The following OGDH variants were observed in gnomAD, a reference collection of about 807,000 sequenced individuals.
OGDH encodes 2-oxoglutarate dehydrogenase complex component E1.
A neutral mutation model predicts 116.6 loss-of-function variants in OGDH; 38 were observed. The observed-to-expected ratio is 0.33, with a 90% confidence interval of 0.25 to 0.43. OGDH has a LOEUF of 0.43. Among genes scored for constraint, OGDH ranks in the 20% least tolerant of loss-of-function variants. The pLI is 1.00. For synonymous variants in OGDH, 488 were observed against 533.3 expected, an observed-to-expected ratio of 0.92 and a Z score of 1.17; for missense variants, 825 against 1,357.2, an observed-to-expected ratio of 0.61 and a Z score of 6.16.
At chr7:44,620,029 G>C (rs1784948741) in intron 1 of OGDH, among the ~76,000 whole-genome samples, 1 of 151,798 alleles carries the variant, frequency 6.6e-6, no homozygotes. Flanking sequence ...TTTTTGTTTT[G>C]TTTTGTTTTG....
At chr7:44,687,694 G>A (rs564443022) in intron 10 of OGDH, among the ~76,000 whole-genome samples, 1 of 152,158 alleles carries the variant, frequency 6.6e-6, no homozygotes, top group South Asian at 2.1e-4. Flanking sequence ...AAGTGCTTGG[G>A]ATTACAGGCG....
intron 4 of OGDH, 23 bp from the exon 5 acceptor site, chr7:44,666,713 G>A: frequency 6.7e-7 from 1 of 1,502,254 alleles, no homozygotes; most frequent in Non-Finnish European, 9.2e-7. Flanking sequence ...CATCTGGCTT[G>A]TCCTGCCCAC....
intron 9 of OGDH, among the ~76,000 whole-genome samples, chr7:44,679,948 T>C (rs1787858671): frequency 6.6e-6 from 1 of 152,168 alleles, no homozygotes; most frequent in African/African-American, 2.4e-5. Context: ...CGATGACTCA[T>C]GCCTGTAATC....
intron 3 of OGDH, among the ~76,000 whole-genome samples, chr7:44,646,765 G>GT (rs1786202827): frequency 6.6e-6 from 1 of 152,084 alleles, no homozygotes; most frequent in Non-Finnish European, 1.5e-5. Flanking sequence ...GTGTAGCAGG[G>GT]TTTTTTTGTT....
rs56718274 is a variant in OGDH at position 44,680,539 on chromosome 7, TACACACACAC to T, written c.1207-1155_1207-1146del. ...AATACAAACTCATAGTTTTATTGCA[TACACACACAC>T]ACACACACACACACACACACACACA... On this transcript the variant is annotated intron_variant, in intron 9 of 22. Transcript: ENST00000222673. Among the ~76,000 whole-genome samples the T allele has an allele frequency of 4.8e-3, 701 of 145,946 alleles. 2 individuals carry two copies. The highest frequency in any genetic ancestry group is 9.5e-3 in the African/African-American group (384 of 40,358).
At chr7:44,664,897 G>A (rs1283508966) in intron 4 of OGDH, among the ~76,000 whole-genome samples, 1 of 152,168 alleles carries the variant, frequency 6.6e-6, no homozygotes, top group Non-Finnish European at 1.5e-5. Flanking sequence ...CACATGGTGA[G>A]GTCAAGGGAT....
intron 2 of OGDH, among the ~76,000 whole-genome samples, chr7:44,643,826 A>T (rs886859749): frequency 6.6e-6 from 1 of 152,256 alleles, no homozygotes; most frequent in African/African-American, 2.4e-5. Context: ...TTTTCAAGAC[A>T]GTCTTATCAG....
intron 1 of OGDH, among the ~76,000 whole-genome samples, chr7:44,607,890 C>T (rs1356300214): frequency 6.6e-6 from 1 of 152,096 alleles, no homozygotes; most frequent in Non-Finnish European, 1.5e-5. Flanking sequence ...TTAGTAGAGA[C>T]GGGTTTTCAC....
intron 7 of OGDH, 103 bp from the exon 8 acceptor site, chr7:44,675,075 C>T (rs531970298): frequency 3.5e-6 from 3 of 864,124 alleles, no homozygotes; most frequent in Admixed American, 3.9e-5. Flanking sequence ...GAGGAGGTGC[C>T]GTGTCCTGGG....
chr7:44,628,283 C>CT, intron 2 of OGDH, among the ~76,000 whole-genome samples: 1 of 152,248 alleles, frequency 6.6e-6, no homozygotes, highest in East Asian at 1.9e-4. Context: ...GGCTAATTCT[C>CT]TAATAGAATT....
intron 10 of OGDH, among the ~76,000 whole-genome samples, chr7:44,691,594 C>T (rs1210336214): frequency 6.8e-6 from 1 of 146,884 alleles, no homozygotes; most frequent in Non-Finnish European, 1.5e-5. Context: ...AGTTAGGAAA[C>T]AAACCTATGT....
rs201585406 is a variant in OGDH, at chr7:44,694,028, G to T, written c.1515+24G>T. On this transcript the variant is annotated intron_variant, in intron 11 of 22. Coordinates refer to ENST00000222673, the MANE Select transcript of OGDH (RefSeq NM_002541.4). The surrounding 1 kb of genome is among the most constrained non-coding windows in gnomAD (Gnocchi z 4.2). The stretch of plus-strand genomic sequence containing the variant: ...TGGTGAGTGACTCTGGGGACAGCAC[G>T]TCCTGGGCAGAGCATCTGACCCACC... 2 of 1,594,654 alleles carry T rather than the reference G, an allele frequency of 1.3e-6. No individual in the cohort carries two copies. The highest frequency in any genetic ancestry group is 2.2e-5 in the East Asian group (1 of 44,468).
intron 2 of OGDH, among the ~76,000 whole-genome samples, chr7:44,635,075 C>T (rs1425867352): frequency 6.6e-6 from 1 of 152,172 alleles, no homozygotes; most frequent in African/African-American, 2.4e-5. Context: ...TCATGCAGGC[C>T]TGCCCTGTCT....
intron 4 of OGDH, among the ~76,000 whole-genome samples, chr7:44,650,245 G>T (rs1786377393): frequency 6.6e-6 from 1 of 152,064 alleles, no homozygotes; most frequent in Admixed American, 6.6e-5. Flanking sequence ...ATGTATGCAG[G>T]TCTTCAAGAA....
intron 10 of OGDH, among the ~76,000 whole-genome samples, chr7:44,693,006 TAAA>T (rs77813445): frequency 7.2e-6 from 1 of 139,276 alleles, no homozygotes; most frequent in African/African-American, 2.6e-5. Flanking sequence ...ACTCTCTCTT[TAAA>T]AAAAAAAAAA....
intron 2 of OGDH, 40 bp from the exon 3 acceptor site, chr7:44,645,287 G>C (rs372654114): frequency 4.4e-6 from 7 of 1,580,026 alleles, no homozygotes; most frequent in African/African-American, 4.0e-5. Context: ...CCTGGACTTA[G>C]GGGAGCAGTG....
At chr7:44,654,655 A>C (rs1270740263) in intron 4 of OGDH, among the ~76,000 whole-genome samples, 1 of 152,212 alleles carries the variant, frequency 6.6e-6, no homozygotes, top group Non-Finnish European at 1.5e-5. Context: ...CAAGCTAAGA[A>C]CATAACCAGG....
chr7:44,651,785 G>A (rs998097801), intron 4 of OGDH, among the ~76,000 whole-genome samples: 6 of 151,862 alleles, frequency 4.0e-5, no homozygotes, highest in East Asian at 1.9e-4. Context: ...GATCTCGTAC[G>A]CCTGACCTCA....
At chr7:44,656,954 G>A (rs1195918079) in intron 4 of OGDH, among the ~76,000 whole-genome samples, 2 of 152,178 alleles carry the variant, frequency 1.3e-5, no homozygotes, top group African/African-American at 2.4e-5. Flanking sequence ...CACCCTGGTG[G>A]CCAGTCTCTT....
Sources: allele counts gnomAD v4.1 joint callset (sites outside exome capture counted in the v4.1 genomes callset), GRCh38; gene constraint gnomAD v4.1.1; non-coding constraint Gnocchi (gnomAD v3.1); transcripts MANE v1.5; gene names NCBI Gene and HGNC (gene_info 2026-07-23, HGNC 2026-07-21).